DAAM2: variants seen among roughly 807,000 people sequenced by gnomAD.
DAAM2 encodes disheveled-associated activator of morphogenesis 2.
Under a neutral mutation model 120.7 loss-of-function variants are expected in DAAM2, and 39 were observed. The ratio of observed to expected loss-of-function variants is 0.32; its 90% confidence interval spans 0.25 to 0.42. DAAM2 has a LOEUF of 0.42. Ranked by LOEUF, DAAM2 falls within the 10% of genes least tolerant of loss-of-function variation. DAAM2 has a pLI of 1.00. For missense variants in DAAM2, 1,283 were observed against 1,401.7 expected (o/e 0.92, Z 1.35); for synonymous variants, 488 against 524.9 (o/e 0.93, Z 0.96).
chr6:39,895,275 G>A (rs541325936), intron 19 of DAAM2, among the ~76,000 whole-genome samples: 10 of 144,450 alleles, frequency 6.9e-5, no homozygotes, highest in African/African-American at 1.0e-4. Context: ...TCACTCTGTC[G>A]CCCAGGCTGG....
At chr6:39,900,601 C>A (rs1045688938) in intron 23 of DAAM2, among the ~76,000 whole-genome samples, 2 of 152,184 alleles carry the variant, frequency 1.3e-5, no homozygotes, top group African/African-American at 4.8e-5. Context: ...GATTACCATG[C>A]CTCTATCTGC....
intron 1 of DAAM2, among the ~76,000 whole-genome samples, chr6:39,812,881 T>G (rs1362572274): frequency 6.6e-6 from 1 of 152,106 alleles, no homozygotes; most frequent in East Asian, 1.9e-4. Context: ...AATTCCTCAT[T>G]GAAAAGCCAA....
At chr6:39,823,709 T>C (rs561701738) in intron 1 of DAAM2, among the ~76,000 whole-genome samples, 10 of 152,334 alleles carry the variant, frequency 6.6e-5, no homozygotes, top group African/African-American at 2.2e-4. Flanking sequence ...ACTGTGCATG[T>C]GACTTGTGCC....
intron 1 of DAAM2, among the ~76,000 whole-genome samples, chr6:39,826,270 T>TA (rs958540921): frequency 6.6e-6 from 1 of 152,004 alleles, no homozygotes; most frequent in African/African-American, 2.4e-5. Flanking sequence ...GCAGATTTTT[T>TA]TTTTATTTTA....
intron 15 of DAAM2, chr6:39,886,006 T>G: frequency 6.0e-6 from 1 of 167,294 alleles, no homozygotes; most frequent in Non-Finnish European, 1.3e-5. Context: ...TCGAGTTCAT[T>G]TGTGACTCCT....
At chr6:39,891,754 GGAGAGTTATCT>G in intron 19 of DAAM2, 32 bp downstream of exon 19, 1 of 1,551,414 alleles carries the variant, frequency 6.4e-7, no homozygotes, top group Non-Finnish European at 8.8e-7. Flanking sequence ...GGCTTAGAGT[GGAGAGTTATCT>G]GAGAAAGGCA....
At chr6:39,897,854 C>T (rs1325849402) in intron 21 of DAAM2, among the ~76,000 whole-genome samples, 1 of 152,162 alleles carries the variant, frequency 6.6e-6, no homozygotes, top group South Asian at 2.1e-4. Context: ...CTTGAATGAG[C>T]TCAATTACAA....
intron 17 of DAAM2, among the ~76,000 whole-genome samples, chr6:39,890,362 C>T (rs528593979): frequency 1.2e-4 from 19 of 152,196 alleles, no homozygotes; most frequent in Non-Finnish European, 2.1e-4. Context: ...ATAAATTCCC[C>T]GAACTGTGAA....
In DAAM2 at chr6:39,869,021, T is replaced by A. The variant is rs1582704089; in HGVS notation, c.873+88T>A. 6.0e-6 allele frequency: 6 copies of A among 1,004,828 alleles called. No individual in the cohort carries two copies. In the South Asian group the frequency reaches 8.5e-5, roughly 14 times the overall value. 62.2% of individuals were successfully genotyped at this position (1,004,828 alleles called of 1,614,324 possible). On this transcript the variant is annotated intron_variant, in intron 7 of 24. Coordinates refer to ENST00000274867, the MANE Select transcript of DAAM2 (RefSeq NM_001201427.2). ...GAGTGTGTTGCTTCCCCAATAATTG[T>A]TTTTGCTATTAAACCTGGGAGGGCT...
chr6:39,884,150 G>GCCTT, intron 15 of DAAM2, 81 bp downstream of exon 15: 1 of 754,548 alleles, frequency 1.3e-6, no homozygotes, highest in Non-Finnish European at 2.3e-6. Flanking sequence ...CTGCCTGCCT[G>GCCTT]CCTTCCTTTC....
At chr6:39,886,332 C>G (rs1404908703) in intron 15 of DAAM2, 2 of 398,878 alleles carry the variant, frequency 5.0e-6, no homozygotes, top group Non-Finnish European at 8.8e-6. Flanking sequence ...TGAGGGATCC[C>G]TGTGTCTGTC....
intron 1 of DAAM2, among the ~76,000 whole-genome samples, chr6:39,838,821 G>A (rs1394037079): frequency 6.6e-6 from 1 of 152,030 alleles, no homozygotes; most frequent in Non-Finnish European, 1.5e-5. Flanking sequence ...ACCACACCTA[G>A]CTAATTTTTG....
chr6:39,864,652 T>C, intron 4 of DAAM2, 145 bp downstream of exon 4: 1 of 680,372 alleles, frequency 1.5e-6, no homozygotes, highest in Non-Finnish European at 2.4e-6. Flanking sequence ...GTTCAGCAGC[T>C]TTCCAGTTAT....
intron 7 of DAAM2, 118 bp from the exon 8 acceptor site, chr6:39,870,222 G>A: frequency 1.5e-6 from 1 of 657,452 alleles, no homozygotes; most frequent in South Asian, 1.8e-5. Context: ...AGCTCCAGGT[G>A]AGTTAGCTGT....
intron 14 of DAAM2, chr6:39,883,657 G>C (rs1402243468): frequency 3.3e-6 from 1 of 305,308 alleles, no homozygotes; most frequent in Non-Finnish European, 6.1e-6. Flanking sequence ...TTTGGAAAAA[G>C]TGAAGTGGAC....
At position 39,878,292 on chromosome 6, in the gene DAAM2, C is replaced by G; in HGVS notation, c.1360+31C>G. The G allele has an allele frequency of 6.2e-7, 1 of 1,613,338 alleles. No individual in the cohort carries two copies. ...GGGCTCTGCTTAAGCCTGCTGTCCA[C>G]TCCACATGCCCTTCCCCTGCCCAGC... On this transcript the variant is annotated intron_variant, in intron 12 of 24. Coordinates refer to ENST00000274867, the MANE Select transcript of DAAM2 (RefSeq NM_001201427.2). The surrounding 1 kb of genome is among the most constrained non-coding windows in gnomAD (Gnocchi z 5.0).
chr6:39,860,499 C>T (rs1343913730), intron 2 of DAAM2, among the ~76,000 whole-genome samples: 5 of 152,160 alleles, frequency 3.3e-5, no homozygotes, highest in African/African-American at 7.2e-5. Flanking sequence ...AGAGGCAGAA[C>T]GAGATCTGCA....
chr6:39,867,935 C>G, intron 6 of DAAM2, 92 bp downstream of exon 6: 1 of 1,187,618 alleles, frequency 8.4e-7, no homozygotes, highest in Non-Finnish European at 1.2e-6. Flanking sequence ...GCAGCAGAAA[C>G]TGGGGGAAAA....
intron 2 of DAAM2, among the ~76,000 whole-genome samples, chr6:39,857,407 G>T (rs1230683715): frequency 6.6e-6 from 1 of 152,196 alleles, no homozygotes; most frequent in Non-Finnish European, 1.5e-5. Flanking sequence ...TTAAATAACA[G>T]GGTCCCTGAA....
Sources: allele counts gnomAD v4.1 joint callset (sites outside exome capture counted in the v4.1 genomes callset), GRCh38; gene constraint gnomAD v4.1.1; non-coding constraint Gnocchi (gnomAD v3.1); transcripts MANE v1.5; gene names NCBI Gene and HGNC (gene_info 2026-07-23, HGNC 2026-07-21).